The following CSNK2A1 variants were observed in gnomAD, a reference collection of about 807,000 sequenced individuals.
The protein encoded by CSNK2A1 is casein kinase II subunit alpha.
CSNK2A1 carries 10 observed loss-of-function variants against 62.9 expected under a neutral mutation model. The observed-to-expected ratio is 0.16, with a 90% confidence interval of 0.10 to 0.27. CSNK2A1 has a LOEUF of 0.27. Ranked by LOEUF, CSNK2A1 falls within the 10% of genes least tolerant of loss-of-function variation. The probability of loss-of-function intolerance (pLI) is 1.00; values close to 1 mark genes in which losing one functional copy is unlikely to be tolerated. For synonymous variants in CSNK2A1, 124 were observed against 167.8 expected (o/e 0.74, Z 2.02); for missense variants, 160 against 492.0 (o/e 0.33, Z 6.38).
chr20:522,451 C>T (rs1294899655), intron 2 of CSNK2A1, among the ~76,000 whole-genome samples: 1 of 152,156 alleles, frequency 6.6e-6, no homozygotes, highest in Non-Finnish European at 1.5e-5. Context: ...AAACATCAAA[C>T]CTGTATTGAA....
chr20:523,719 G>A (rs1418362720), intron 2 of CSNK2A1, among the ~76,000 whole-genome samples: 7 of 151,904 alleles, frequency 4.6e-5, no homozygotes, highest in African/African-American at 9.7e-5. Flanking sequence ...GTGAAACCCC[G>A]TCTCTACTAA....
At chr20:497,668 T>G in intron 7 of CSNK2A1, 53 bp downstream of exon 7, 1 of 1,463,264 alleles carries the variant, frequency 6.8e-7, no homozygotes. Flanking sequence ...AATTGACTAT[T>G]TAACAAAAAG....
intron 1 of CSNK2A1, among the ~76,000 whole-genome samples, chr20:534,262 ATTT>A (rs2019267981): frequency 1.3e-5 from 2 of 152,334 alleles, no homozygotes; most frequent in South Asian, 4.1e-4. Context: ...ATTTAATACT[ATTT>A]CCTTAGTTCT....
rs1053641016 is a variant in CSNK2A1 at position 479,302 on chromosome 20, A to G, written c.*4659T>C. Reference sequence around the variant, plus strand: ...CTACCATATACCAGGCATCTGTCATAGAATCTGAACAACCGCTCTATGAAA... The same window carrying G: ...CTACCATATACCAGGCATCTGTCATGGAATCTGAACAACCGCTCTATGAAA... On this transcript the variant is annotated 3_prime_UTR_variant, in exon 14 of 14. Transcript: ENST00000217244. The G allele has an allele frequency of 6.6e-6, 1 of 152,228 alleles. No homozygotes were observed. The highest frequency in any genetic ancestry group is 1.5e-5 in the Non-Finnish European group (1 of 68,042). 9.4% of individuals were successfully genotyped at this position (152,228 alleles called of 1,614,324 possible).
Position 475,460 on chromosome 20 carries a change from C to CA in CSNK2A1, c.*8500dup, listed in dbSNP as rs397865226. ...GGGTGACAGAGTTAAGACTCTGACT[C>CA]AAAAAAAAAAAAAAAAAGTTGGTGT... On this transcript the variant is annotated 3_prime_UTR_variant, in exon 14 of 14. Coordinates refer to ENST00000217244, the MANE Select transcript of CSNK2A1 (RefSeq NM_177559.3). 40,965 of 117,416 alleles carry CA rather than the reference C, an allele frequency of 0.35. 6,533 individuals carry two copies. Among genetic ancestry groups the CA allele is most frequent in the East Asian group, 0.69 (2,971 of 4,302 alleles). 7.3% of individuals were successfully genotyped at this position (117,416 alleles called of 1,614,324 possible).
intron 13 of CSNK2A1, among the ~76,000 whole-genome samples, chr20:484,486 AATAGCCTCAC>A (rs2018023261): frequency 6.6e-6 from 1 of 152,210 alleles, no homozygotes; most frequent in Non-Finnish European, 1.5e-5. Context: ...ATTGTAATTA[AATAGCCTCAC>A]GTGGCTAGTC....
Position 478,636 on chromosome 20 carries a change from A to G in CSNK2A1, c.*5325T>C, listed in dbSNP as rs1209922041. The G allele has an allele frequency of 4.6e-6, 2 of 434,730 alleles. No homozygotes were observed. Among genetic ancestry groups the G allele is most frequent in the Admixed American group, 5.1e-5 (2 of 39,234 alleles). 26.9% of individuals were successfully genotyped at this position (434,730 alleles called of 1,614,324 possible). A position where few individuals can be genotyped will look rare whatever the true frequency, so the allele number is the denominator to read the frequency against. ...GGCTTCTCACATTGAGGCCAATAAG[A>G]ATCCCTAGTGGGCCAGGTGTGGTGG... On this transcript the variant is annotated 3_prime_UTR_variant, in exon 14 of 14. Transcript: ENST00000217244.
At chr20:524,653 C>CTA (rs535244716) in intron 2 of CSNK2A1, among the ~76,000 whole-genome samples, 50 of 141,764 alleles carry the variant, frequency 3.5e-4, no homozygotes, top group Non-Finnish European at 6.0e-4. Flanking sequence ...TCGCTTGAAC[C>CTA]TAGGAGGTGG....
At chr20:537,191 G>T (rs1047414524) in intron 1 of CSNK2A1, among the ~76,000 whole-genome samples, 5 of 151,940 alleles carry the variant, frequency 3.3e-5, no homozygotes, top group Admixed American at 3.3e-4. Flanking sequence ...CCAATATAAG[G>T]GCATTTAAGA....
chr20:534,313 A>G (rs1214486911), intron 1 of CSNK2A1, among the ~76,000 whole-genome samples: 1 of 152,222 alleles, frequency 6.6e-6, no homozygotes, highest in African/African-American at 2.4e-5. Context: ...AAAACACTAT[A>G]ATAAAATGAA....
chr20:486,341 AC>A, intron 13 of CSNK2A1, 34 bp downstream of exon 13: 1 of 1,612,116 alleles, frequency 6.2e-7, no homozygotes, highest in Non-Finnish European at 8.5e-7. Flanking sequence ...ATTGACTTCC[AC>A]ATTTTTTTAA....
chr20:536,159 C>A (rs949339745), intron 1 of CSNK2A1, among the ~76,000 whole-genome samples: 1 of 152,030 alleles, frequency 6.6e-6, no homozygotes, highest in Non-Finnish European at 1.5e-5. Context: ...CTGATCCACC[C>A]CTAGGCAGCA....
chr20:521,249 GC>G (rs2018938691), intron 2 of CSNK2A1, among the ~76,000 whole-genome samples: 1 of 152,042 alleles, frequency 6.6e-6, no homozygotes, highest in Admixed American at 6.5e-5. Context: ...TTAAAAATGG[GC>G]AAAAGACGTG....
intron 10 of CSNK2A1, 113 bp from the exon 11 acceptor site, chr20:488,891 G>A (rs2018157089): frequency 1.1e-6 from 1 of 923,262 alleles, no homozygotes; most frequent in Non-Finnish European, 1.6e-6. Context: ...AGGTATGAAT[G>A]CTACCTCCTA....
At chr20:536,103 T>C (rs999380345) in intron 1 of CSNK2A1, among the ~76,000 whole-genome samples, 4 of 151,772 alleles carry the variant, frequency 2.6e-5, no homozygotes, top group Non-Finnish European at 5.9e-5. Context: ...TAATAGACAC[T>C]GTACACGAGT....
chr20:524,921 C>G (rs1169577192), intron 2 of CSNK2A1, among the ~76,000 whole-genome samples: 1 of 151,954 alleles, frequency 6.6e-6, no homozygotes, highest in Non-Finnish European at 1.5e-5. Context: ...CGTGACCAGC[C>G]TGGGCAACAC....
intron 2 of CSNK2A1, among the ~76,000 whole-genome samples, chr20:525,371 G>A (rs867355478): frequency 1.9e-4 from 29 of 151,964 alleles, no homozygotes; most frequent in Admixed American, 4.6e-4. Flanking sequence ...TTTAAAAATC[G>A]GCTGGGCGCA....
chr20:489,526 T>C, intron 10 of CSNK2A1: 1 of 421,794 alleles, frequency 2.4e-6, no homozygotes, highest in Non-Finnish European at 4.2e-6. Flanking sequence ...ATTAGGAGAA[T>C]TCTAAGGTAA....
chr20:532,973 G>GC (rs1424092423), intron 1 of CSNK2A1, among the ~76,000 whole-genome samples: 1 of 151,904 alleles, frequency 6.6e-6, no homozygotes, highest in Non-Finnish European at 1.5e-5. Context: ...TGAAGTTATT[G>GC]TTTTTTTTCC....
Sources: allele counts gnomAD v4.1 joint callset (sites outside exome capture counted in the v4.1 genomes callset), GRCh38; gene constraint gnomAD v4.1.1; transcripts MANE v1.5; gene names NCBI Gene and HGNC (gene_info 2026-07-23, HGNC 2026-07-21).